SLC30A5: variants seen among roughly 807,000 people sequenced by gnomAD.
The protein encoded by SLC30A5 is proton-coupled zinc antiporter SLC30A5.
Under a neutral mutation model 79.6 loss-of-function variants are expected in SLC30A5, and 33 were observed. The observed-to-expected ratio is 0.41, with a 90% CI of 0.31 to 0.55. SLC30A5 has a LOEUF of 0.55. SLC30A5 is among the 20% of genes least tolerant of loss of function. The pLI is 0.20. For synonymous variants in SLC30A5, 299 were observed against 319.7 expected (o/e 0.94, Z 0.69); for missense variants, 788 against 928.1 (o/e 0.85, Z 1.96).
chr5:69,117,123 ATAAC>A (rs1746392097), intron 10 of SLC30A5, 112 bp from the exon 11 acceptor site: 1 of 780,246 alleles, frequency 1.3e-6, no homozygotes, highest in African/African-American at 1.7e-5. Flanking sequence ...TGGCAGTTAA[ATAAC>A]TAAACAATTA....
intron 3 of SLC30A5, chr5:69,104,148 CT>C (rs1561288770): frequency 1.5e-6 from 2 of 1,302,694 alleles, no homozygotes; most frequent in Non-Finnish European, 1.0e-6. Context: ...TTTTTTCTTT[CT>C]TTTTTTGAGA....
At chr5:69,103,973 A>G (rs562320947) in intron 3 of SLC30A5, 110 of 1,557,880 alleles carry the variant, frequency 7.1e-5, no homozygotes, top group Non-Finnish European at 8.9e-5. Context: ...TAATTGGATC[A>G]CTAAAAATTC....
chr5:69,094,878 C>CAA (rs397830385), intron 1 of SLC30A5, among the ~76,000 whole-genome samples: 11 of 150,622 alleles, frequency 7.3e-5, no homozygotes, highest in Non-Finnish European at 1.0e-4. Context: ...TCCTCGTTGT[C>CAA]AAAAAAAAAT....
intron 12 of SLC30A5, among the ~76,000 whole-genome samples, chr5:69,119,132 C>T (rs1439108904): frequency 1.3e-5 from 2 of 152,100 alleles, no homozygotes; most frequent in African/African-American, 4.8e-5. Context: ...TCTCCCTGTA[C>T]CACCAAAGCT....
At chr5:69,104,136 T>C (rs1746012898) in intron 3 of SLC30A5, 2 of 1,363,776 alleles carry the variant, frequency 1.5e-6, no homozygotes, top group Non-Finnish European at 1.9e-6. Flanking sequence ...ACTGTCCTTT[T>C]TTTTTTTCTT....
Position 69,130,286 on chromosome 5 carries a change from A to T in SLC30A5, c.*669A>T, listed in dbSNP as rs1561302284. ...TGGTAATATTTGCAAATGAATAATT[A>T]ATTTATTAGGGTAAAGAACTTATAC... On this transcript the variant is annotated 3_prime_UTR_variant, in exon 16 of 16. Coordinates refer to ENST00000396591, the MANE Select transcript of SLC30A5 (RefSeq NM_022902.5). 2.0e-5 allele frequency: 3 copies of T among 152,166 alleles called. No individual in the cohort carries two copies. Among genetic ancestry groups the T allele is most frequent in the African/African-American group, 7.2e-5 (3 of 41,452 alleles). The allele number at this position is 152,166 out of a possible 1,614,324, so 9.4% of individuals were successfully genotyped here.
chr5:69,113,353 T>G (rs188183040), intron 6 of SLC30A5, 126 bp downstream of exon 6: 558 of 637,200 alleles, frequency 8.8e-4, no homozygotes, highest in Non-Finnish European at 8.6e-4. Context: ...CATAGATTAA[T>G]GTAGATATTC....
chr5:69,098,816 T>C (rs1035952926), intron 1 of SLC30A5, among the ~76,000 whole-genome samples: 4 of 152,228 alleles, frequency 2.6e-5, no homozygotes, highest in African/African-American at 9.6e-5. Flanking sequence ...ACTTGGAACA[T>C]AGCAGGTGCT....
At chr5:69,098,544 C>T (rs750967811) in intron 1 of SLC30A5, among the ~76,000 whole-genome samples, 32 of 152,208 alleles carry the variant, frequency 2.1e-4, no homozygotes, top group East Asian at 3.8e-4. Context: ...GCTTTGCCTA[C>T]TGCAGTAGCT....
At position 69,110,824 on chromosome 5, in the gene SLC30A5, C is replaced by A. The variant is rs186397996; in HGVS notation, c.448-2316C>A. 6.5e-3 allele frequency among the ~76,000 whole-genome samples: 986 copies of A among 152,116 alleles called. 10 individuals carry two copies. Among genetic ancestry groups the A allele is most frequent in the African/African-American group, 0.022 (929 of 41,500 alleles). On this transcript the variant is annotated intron_variant, in intron 5 of 15. Transcript: ENST00000396591. ...TTTCAGTTTAAAAAATGCTTAAGAT[C>A]CTTGGCAGGAAATCAGCAAAAAACT...
chr5:69,106,551 T>G (rs541674069), intron 4 of SLC30A5, among the ~76,000 whole-genome samples: 1 of 152,238 alleles, frequency 6.6e-6, no homozygotes, highest in East Asian at 1.9e-4. Flanking sequence ...TGCAAAAATT[T>G]TAATCCCAGC....
At chr5:69,110,433 A>G (rs1391452721) in intron 5 of SLC30A5, among the ~76,000 whole-genome samples, 2 of 152,220 alleles carry the variant, frequency 1.3e-5, no homozygotes, top group Non-Finnish European at 2.9e-5. Context: ...TAACATGCCA[A>G]GTAGAGCAGA....
At chr5:69,119,527 G>A (rs1746479022) in intron 12 of SLC30A5, among the ~76,000 whole-genome samples, 1 of 152,142 alleles carries the variant, frequency 6.6e-6, no homozygotes, top group Non-Finnish European at 1.5e-5. Context: ...CTTAAGTTCA[G>A]TTCTAGCACC....
At chr5:69,127,011 A>T (rs1746715049) in intron 14 of SLC30A5, among the ~76,000 whole-genome samples, 1 of 152,096 alleles carries the variant, frequency 6.6e-6, no homozygotes, top group South Asian at 2.1e-4. Context: ...AAATGGCAAA[A>T]AACTTTCGTA....
At chr5:69,098,620 C>T (rs1367041198) in intron 1 of SLC30A5, among the ~76,000 whole-genome samples, 2 of 152,178 alleles carry the variant, frequency 1.3e-5, no homozygotes, top group Non-Finnish European at 2.9e-5. Context: ...TTAATAAATA[C>T]TCAAGTATCT....
chr5:69,122,062 A>T (rs1270556354), intron 13 of SLC30A5, among the ~76,000 whole-genome samples, 167 bp downstream of exon 13: 7 of 152,230 alleles, frequency 4.6e-5, no homozygotes, highest in Non-Finnish European at 8.8e-5. Flanking sequence ...TTCTTACCTG[A>T]ATACACATAA....
chr5:69,094,160 G>A lies in SLC30A5; in HGVS notation c.-96G>A, dbSNP rs941437809. 5 of 613,926 alleles carry A rather than the reference G, an allele frequency of 8.1e-6. No homozygotes were observed. The highest frequency in any genetic ancestry group is 6.9e-5 in the East Asian group (2 of 28,880). 38.0% of individuals were successfully genotyped at this position (613,926 alleles called of 1,614,324 possible). A position where few individuals can be genotyped will look rare whatever the true frequency, so the allele number is the denominator to read the frequency against. On this transcript the variant is annotated 5_prime_UTR_variant, in exon 1 of 16. Transcript: ENST00000396591. ...GGAGCCCGACGGGGTCTCTGCCATG[G>A]GGGAGTGACGCGCCTGCACCCGCTG...
intron 7 of SLC30A5, among the ~76,000 whole-genome samples, chr5:69,114,797 C>T (rs1746317527): frequency 6.6e-6 from 1 of 151,932 alleles, no homozygotes; most frequent in South Asian, 2.1e-4. Context: ...CCCGGGAGGC[C>T]GAGGTTGCAG....
chr5:69,128,248 C>T, intron 15 of SLC30A5, 116 bp downstream of exon 15: 3 of 463,268 alleles, frequency 6.5e-6, no homozygotes, highest in South Asian at 5.5e-5. Flanking sequence ...AATCTTCCAA[C>T]TCTTTTTTTT....
Sources: allele counts gnomAD v4.1 joint callset (sites outside exome capture counted in the v4.1 genomes callset), GRCh38; gene constraint gnomAD v4.1.1; transcripts MANE v1.5; gene names NCBI Gene and HGNC (gene_info 2026-07-23, HGNC 2026-07-21).